Variants in DRP2 observed in about 807,000 individuals in gnomAD.
The protein encoded by DRP2 is dystrophin related protein 2.
In DRP2, 29 loss-of-function variants were observed where a neutral mutation model predicts 78.2. That is an observed-to-expected ratio of 0.37 (90% CI 0.28 to 0.51). DRP2 has a LOEUF of 0.51. Ranked by LOEUF, DRP2 falls within the 20% of genes least tolerant of loss-of-function variation. DRP2 has a pLI of 0.94. For missense variants in DRP2, 686 were observed against 770.6 expected (o/e 0.89, Z 1.30); for synonymous variants, 290 against 281.9 (o/e 1.03, Z -0.29).
chrX:101,261,824 G>A lies in DRP2; in HGVS notation c.*1203G>A, dbSNP rs193133075. On this transcript the variant is annotated 3_prime_UTR_variant, in exon 24 of 24. Transcript: ENST00000395209. Reference sequence around the variant, plus strand: ...CAAACTGAACTAGCTCTTCCTAGGCGACATATACCATGATCTCTTTATCCA... The same window carrying A: ...CAAACTGAACTAGCTCTTCCTAGGCAACATATACCATGATCTCTTTATCCA... The A allele has an allele frequency of 9.9e-5, 11 of 111,389 alleles. No individual in the cohort carries two copies. The East Asian group carries it at 2.5e-3, about 26-fold the overall frequency. The allele number at this position is 111,389 out of a possible 1,213,427, so 9.2% of individuals were successfully genotyped here. A position where few individuals can be genotyped will look rare whatever the true frequency, so the allele number is the denominator to read the frequency against.
At position 101,235,876 on chromosome X, in the gene DRP2, C is replaced by G. The variant is rs1164908052; in HGVS notation, c.134C>G (p.Thr45Ser). 8.3e-7 allele frequency: 1 copy of G among 1,208,429 alleles called. No homozygotes were observed. Reference protein sequence around the residue: ...CPHPQVRAAVTSPAPPQDGAG... With the variant: ...CPHPQVRAAVSSPAPPQDGAG... ...TCTGTCCAGGTTAGAGCTGCTGTCA[C>G]CAGCCCTGCACCTCCTCAAGATGGT... is the stretch of plus-strand genomic sequence containing the variant. The change falls in exon 4 of 24, where the codon ACC (threonine) becomes AGC (serine). Residue 45 changes from threonine (T) to serine (S), a missense_variant. This residue lies in a region of DRP2 where 263 missense variants were observed against 239.1 expected (regional missense o/e 1.10). Coordinates refer to ENST00000395209, the MANE Select transcript of DRP2 (RefSeq NM_001939.3).
At chrX:101,255,667 T>C (rs991842597) in intron 20 of DRP2, among the ~76,000 whole-genome samples, 1 of 110,957 alleles carries the variant, frequency 9.0e-6, no homozygotes, top group African/African-American at 3.3e-5. Flanking sequence ...CCAAGGGAAC[T>C]CCCTGGTATG....
chrX:101,237,465 G>A (rs1260358497), intron 4 of DRP2, among the ~76,000 whole-genome samples, 154 bp from the exon 5 acceptor site: 1 of 111,827 alleles, frequency 8.9e-6, no homozygotes, highest in African/African-American at 3.3e-5. Flanking sequence ...GTGGGTAAGA[G>A]GGAGGACTCC....
intron 3 of DRP2, among the ~76,000 whole-genome samples, chrX:101,233,436 C>T (rs1922377919): frequency 8.9e-6 from 1 of 111,796 alleles, no homozygotes; most frequent in Non-Finnish European, 1.9e-5. Context: ...TGGCTCCACC[C>T]CAGAACCCCA....
chrX:101,233,678 T>C (rs370388955), intron 3 of DRP2, among the ~76,000 whole-genome samples: 5 of 111,604 alleles, frequency 4.5e-5, no homozygotes, highest in African/African-American at 1.6e-4. Context: ...GAGTGGCCAC[T>C]TCCAGGAGGG....
chrX:101,220,469 T>C (rs1484676184), intron 1 of DRP2, among the ~76,000 whole-genome samples: 1 of 110,226 alleles, frequency 9.1e-6, no homozygotes, highest in Non-Finnish European at 1.9e-5. Context: ...AACTAAGGTC[T>C]AAAAATGAAT....
intron 10 of DRP2, 71 bp downstream of exon 10, chrX:101,245,148 C>T (rs1922882598): frequency 9.6e-7 from 1 of 1,044,801 alleles, no homozygotes; most frequent in South Asian, 2.1e-5. Context: ...CTTTTTGCTA[C>T]CTGTCCTTGT....
At position 101,252,712 on chromosome X, in the gene DRP2, C is replaced by T; in HGVS notation, c.1973C>T (p.Thr658Ile). 8.3e-7 allele frequency: 1 copy of T among 1,206,333 alleles called. No individual in the cohort carries two copies. Among genetic ancestry groups the T allele is most frequent in the Non-Finnish European group, 1.1e-6 (1 of 890,911 alleles). ...CACTACCCCATCATGGAGTATTACA[C>T]ACCGGTATGAAGCCTCCAGGCTGGG... Reference protein sequence around the residue: ...KLHYPIMEYYTPTTSSENMRD... With the variant: ...KLHYPIMEYYIPTTSSENMRD... Residue 658 changes from threonine to isoleucine, a missense_variant, in exon 17 of 24, where the codon ACA becomes ATA. Thr to Ile is a moderately conservative substitution (Grantham distance 89, BLOSUM62 -1). Coordinates refer to ENST00000395209, the MANE Select transcript of DRP2 (RefSeq NM_001939.3).
At position 101,261,286 on chromosome X, in the gene DRP2, G is replaced by C. The variant is rs1302498504; in HGVS notation, c.*665G>C. The stretch of plus-strand genomic sequence containing the variant: ...CTTAAGGGGAGAACAGTTCATTCTG[G>C]TTCTTCTACGTTATATTTGGAAGCA... On this transcript the variant is annotated 3_prime_UTR_variant, in exon 24 of 24. Coordinates refer to ENST00000395209, the MANE Select transcript of DRP2 (RefSeq NM_001939.3). 1 of 111,440 alleles carries C rather than the reference G, an allele frequency of 9.0e-6. No individual in the cohort carries two copies. The highest frequency in any genetic ancestry group is 1.9e-5 in the Non-Finnish European group (1 of 53,071). The allele number at this position is 111,440 out of a possible 1,213,427, so 9.2% of individuals were successfully genotyped here. A position where few individuals can be genotyped will look rare whatever the true frequency, so the allele number is the denominator to read the frequency against.
rs376356193 is a variant in DRP2 at position 101,245,033 on chromosome X, C to T, written c.1071C>T (p.Pro357=). 1 of 1,208,081 alleles carries T rather than the reference C, an allele frequency of 8.3e-7. No individual in the cohort carries two copies. The highest frequency in any genetic ancestry group is 1.1e-6 in the Non-Finnish European group (1 of 894,281). The part of the protein sequence containing the change: ...QHFLSSSVQV[P]WERAISPNKV... ...CTTTACCAGCCTCTGTCCAGGTTCC[C>T]TGGGAAAGAGCAATTTCACCCAATA... is the stretch of plus-strand genomic sequence containing the variant. Residue 357 remains proline, a synonymous_variant, in exon 10 of 24, where the codon CCC becomes CCT. Transcript: ENST00000395209.
intron 20 of DRP2, among the ~76,000 whole-genome samples, 196 bp from the exon 21 acceptor site, chrX:101,255,922 T>TCAATACC (rs1267307372): frequency 2.7e-5 from 3 of 111,384 alleles, no homozygotes; most frequent in African/African-American, 9.8e-5. Flanking sequence ...AAACACTCTC[T>TCAATACC]CAATACCCCC....
At position 101,254,219 on chromosome X, in the gene DRP2, C is replaced by T. The variant is rs187918534; in HGVS notation, c.1978-206C>T. ...AGTCCTCCTGTCTCCTCACCCTGGC[C>T]CCCACCCCTCCAGTTCAACTTCCCA... On this transcript the variant is annotated intron_variant, in intron 17 of 23. Coordinates refer to ENST00000395209, the MANE Select transcript of DRP2 (RefSeq NM_001939.3). Among the ~76,000 whole-genome samples the T allele has an allele frequency of 3.1e-4, 34 of 110,553 alleles. No individual in the cohort carries two copies. The East Asian group carries it at 9.4e-3, about 31-fold the overall frequency.
At chrX:101,254,379 T>C in intron 17 of DRP2, 46 bp from the exon 18 acceptor site, 1 of 1,207,034 alleles carries the variant, frequency 8.3e-7, no homozygotes, top group Non-Finnish European at 1.1e-6. Context: ...GCCCAGTATA[T>C]CTGGAAGCCA....
chrX:101,241,464 A>T (rs1922721620), intron 6 of DRP2, among the ~76,000 whole-genome samples: 2 of 106,982 alleles, frequency 1.9e-5, no homozygotes, highest in South Asian at 7.6e-4. Flanking sequence ...AAAAATAAAC[A>T]GTTTTTTTTT....
rs1015769278 is a variant in DRP2, at chrX:101,254,889, C to T, written c.2145C>T (p.Ala715=). 1.7e-5 allele frequency: 21 copies of T among 1,209,986 alleles called. No homozygotes were observed. The highest frequency in any genetic ancestry group is 7.0e-5 in the South Asian group (4 of 56,804). ...TPASSPMWPH[A]DTHSRIEHFA... ...CTTCTTCCCCGATGTGGCCACACGCCGACACACACTCCCGAATTGAGCATT... is the reference window on the plus strand; with the variant it reads ...CTTCTTCCCCGATGTGGCCACACGCTGACACACACTCCCGAATTGAGCATT... Residue 715 remains alanine, a synonymous_variant, in exon 19 of 24, where the codon GCC becomes GCT. Coordinates refer to ENST00000395209, the MANE Select transcript of DRP2 (RefSeq NM_001939.3).
Position 101,231,722 on chromosome X carries a change from C to G in DRP2, c.75C>G (p.Phe25Leu). The part of the protein sequence containing the change: ...RCHDWQAADQ[F>L]HHSSSLRSTC... ...ATGACTGGCAGGCAGCTGACCAGTT[C>G]CATCATAGCAGCAGCCTCCGAAGCA... Residue 25 changes from phenylalanine (F) to leucine (L), a missense_variant, in exon 3 of 24, where the codon TTC (phenylalanine) becomes TTG (leucine). Physicochemically the swap from Phe to Leu is conservative, Grantham distance 22. Around this residue, in one of 2 missense-constraint regions of DRP2, gnomAD observed 263 missense variants for 239.1 expected, o/e 1.10. Transcript: ENST00000395209. 8.3e-7 allele frequency: 1 copy of G among 1,211,314 alleles called. No homozygotes were observed. Among genetic ancestry groups the G allele is most frequent in the Non-Finnish European group, 1.1e-6 (1 of 895,313 alleles).
chrX:101,225,335 G>A (rs976225167), intron 2 of DRP2, among the ~76,000 whole-genome samples: 21 of 111,167 alleles, frequency 1.9e-4, no homozygotes, highest in African/African-American at 6.9e-4. Flanking sequence ...TGATTACAAT[G>A]CCTCAGAGCC....
At chrX:101,236,803 G>T (rs1414615723) in intron 4 of DRP2, among the ~76,000 whole-genome samples, 2 of 112,077 alleles carry the variant, frequency 1.8e-5, no homozygotes, top group African/African-American at 6.5e-5. Context: ...CTGGGCAATA[G>T]GAATGCCTAC....
chrX:101,238,447 A>T (rs1261281835), intron 5 of DRP2, among the ~76,000 whole-genome samples: 2 of 87,395 alleles, frequency 2.3e-5, no homozygotes, highest in African/African-American at 4.3e-5. Flanking sequence ...AAAACTAATC[A>T]GTGATTTTAC....
Sources: allele counts gnomAD v4.1 joint callset (sites outside exome capture counted in the v4.1 genomes callset), GRCh38; gene constraint gnomAD v4.1.1; regional missense constraint gnomAD v4.1.1; transcripts MANE v1.5; gene names NCBI Gene and HGNC (gene_info 2026-07-23, HGNC 2026-07-21).